L3MBTL4: variants seen among roughly 807,000 people sequenced by gnomAD.
L3MBTL4 encodes the protein lethal(3)malignant brain tumor-like protein 4.
L3MBTL4 carries 70 observed loss-of-function variants against 84.5 expected under a neutral mutation model. That is an observed-to-expected ratio of 0.83 (90% CI 0.68 to 1.01). The LOEUF (loss-of-function observed/expected upper bound fraction) is 1.01. L3MBTL4 is among the 50% of genes least tolerant of loss of function. The pLI is 0.00. For synonymous variants in L3MBTL4, 274 were observed against 259.8 expected, an observed-to-expected ratio of 1.05 and a Z score of -0.52; for missense variants, 715 against 754.8, an observed-to-expected ratio of 0.95 and a Z score of 0.62.
chr18:5,996,472 G>T (rs990856192), intron 16 of L3MBTL4, among the ~76,000 whole-genome samples: 3 of 152,108 alleles, frequency 2.0e-5, no homozygotes, highest in Non-Finnish European at 2.9e-5. Flanking sequence ...GTTAAAAGGG[G>T]GTCTGGGCTA....
At chr18:6,168,026 C>T (rs2043766078) in intron 13 of L3MBTL4, among the ~76,000 whole-genome samples, 1 of 152,088 alleles carries the variant, frequency 6.6e-6, no homozygotes, top group African/African-American at 2.4e-5. Context: ...TTCTTATACA[C>T]CAATAACAGA....
chr18:6,170,470 C>T (rs2043913462), intron 13 of L3MBTL4, among the ~76,000 whole-genome samples: 1 of 152,132 alleles, frequency 6.6e-6, no homozygotes, highest in African/African-American at 2.4e-5. Flanking sequence ...GGAGCAGAGT[C>T]TGGAATGGCA....
chr18:5,995,124 G>A (rs979629328), intron 16 of L3MBTL4, among the ~76,000 whole-genome samples: 1 of 152,272 alleles, frequency 6.6e-6, no homozygotes, highest in Non-Finnish European at 1.5e-5. Context: ...GTGCGTCCAG[G>A]AGGGCTACGT....
intron 16 of L3MBTL4, among the ~76,000 whole-genome samples, chr18:6,061,697 C>T (rs747649323): frequency 6.6e-6 from 1 of 151,674 alleles, no homozygotes; most frequent in African/African-American, 2.4e-5. Context: ...TCTAGTCTTC[C>T]TCTCTTTTTC....
At chr18:6,056,816 C>T (rs972208011) in intron 16 of L3MBTL4, among the ~76,000 whole-genome samples, 4 of 152,126 alleles carry the variant, frequency 2.6e-5, no homozygotes, top group East Asian at 1.9e-4. Context: ...AGCTGTGTGA[C>T]GTTGGGTAAA....
At chr18:6,391,348 C>G (rs951122323) in intron 1 of L3MBTL4, among the ~76,000 whole-genome samples, 8 of 152,026 alleles carry the variant, frequency 5.3e-5, no homozygotes, top group Non-Finnish European at 1.0e-4. Flanking sequence ...ACAATAAAAG[C>G]CATATATGGA....
At chr18:6,226,888 A>G (rs971583906) in intron 10 of L3MBTL4, among the ~76,000 whole-genome samples, 4 of 152,176 alleles carry the variant, frequency 2.6e-5, no homozygotes, top group African/African-American at 7.2e-5. Context: ...ATTTAAATTC[A>G]GTCATACACA....
chr18:6,175,222 A>G (rs2044173497), intron 12 of L3MBTL4, among the ~76,000 whole-genome samples: 1 of 152,200 alleles, frequency 6.6e-6, no homozygotes. Flanking sequence ...CCACGATGGG[A>G]AAGTGGGCCA....
At chr18:6,260,231 G>A (rs542563851) in intron 5 of L3MBTL4, 1 of 152,162 alleles carries the variant, frequency 6.6e-6, no homozygotes, top group South Asian at 2.1e-4. Flanking sequence ...ACGATGCTTT[G>A]TTATTTTTGC....
chr18:6,241,446 TA>T lies in L3MBTL4; in HGVS notation c.463del (p.Tyr155IlefsTer12). On this transcript the variant is annotated frameshift_variant and splice_region_variant, in exon 8 of 19. Coordinates refer to ENST00000317931, the MANE Select transcript of L3MBTL4 (RefSeq NM_001330559.2). LOFTEE classifies it high-confidence loss of function. ...TKHELHIPKGYRKDKFVWMDY... is the reference protein window; with the variant it reads ...TKHELHIPKGXRKDKFVWMDY... ...CATCCAAACAAATTTATCTTTTCTA[TA>T]ACCTAAAAAAAGCACAGATTACTCA... 1 of 1,561,304 alleles carries T rather than the reference TA, an allele frequency of 6.4e-7. No homozygotes were observed. Among genetic ancestry groups the T allele is most frequent in the Non-Finnish European group, 8.8e-7 (1 of 1,140,756 alleles).
At chr18:6,185,546 C>CTGAG (rs2044685490) in intron 12 of L3MBTL4, among the ~76,000 whole-genome samples, 1 of 152,112 alleles carries the variant, frequency 6.6e-6, no homozygotes, top group Admixed American at 6.5e-5. Flanking sequence ...GGCTCCTGTA[C>CTGAG]TGAGCTATCC....
intron 4 of L3MBTL4, among the ~76,000 whole-genome samples, chr18:6,277,758 G>T (rs1393647180): frequency 2.0e-5 from 3 of 152,032 alleles, no homozygotes; most frequent in African/African-American, 4.8e-5. Context: ...ATTATGAATG[G>T]AATATTTTTC....
At position 5,960,407 on chromosome 18, in the gene L3MBTL4, T is replaced by A. The variant is rs534557497; in HGVS notation, c.1615-251A>T. The stretch of plus-strand genomic sequence containing the variant: ...ATAATGACGACAGTAATAGCCTCCA[T>A]ATGTGAAGCTCTGGCATTCTGCAAG... On this transcript the variant is annotated intron_variant, in intron 17 of 18. Transcript: ENST00000317931. 2.0e-3 allele frequency among the ~76,000 whole-genome samples: 299 copies of A among 152,294 alleles called. 1 individual carries two copies. The highest frequency in any genetic ancestry group is 6.7e-3 in the African/African-American group (280 of 41,568).
chr18:6,034,142 G>A (rs1466018399), intron 16 of L3MBTL4, among the ~76,000 whole-genome samples: 2 of 151,266 alleles, frequency 1.3e-5, no homozygotes, highest in East Asian at 1.9e-4. Flanking sequence ...TTTCTCCCTC[G>A]CTTTTTTTTT....
chr18:6,105,491 A>G (rs2058974176), intron 14 of L3MBTL4, among the ~76,000 whole-genome samples: 3 of 151,558 alleles, frequency 2.0e-5, no homozygotes, highest in Non-Finnish European at 4.4e-5. Flanking sequence ...CACCCAGCCA[A>G]TATTTTATAA....
intron 4 of L3MBTL4, among the ~76,000 whole-genome samples, chr18:6,285,448 T>C (rs1018389209): frequency 6.6e-6 from 1 of 152,074 alleles, no homozygotes; most frequent in Non-Finnish European, 1.5e-5. Flanking sequence ...GATTTCAATA[T>C]ATAGAGATGC....
At position 6,210,994 on chromosome 18, in the gene L3MBTL4, T is replaced by C. The variant is rs145062323; in HGVS notation, c.981+2155A>G. ...CAGGTAGAGTTTCAGGAATTTTCCA[T>C]ACATGACCTCATTGAATTTTCACAA... On this transcript the variant is annotated intron_variant, in intron 12 of 18. Transcript: ENST00000317931. Among the ~76,000 whole-genome samples, 399 of 152,342 alleles carry C rather than the reference T, an allele frequency of 2.6e-3. 2 individuals carry two copies. The highest frequency in any genetic ancestry group is 9.2e-3 in the African/African-American group (382 of 41,570).
intron 16 of L3MBTL4, among the ~76,000 whole-genome samples, chr18:6,039,124 C>G (rs1598519518): frequency 6.6e-6 from 1 of 152,036 alleles, no homozygotes; most frequent in East Asian, 1.9e-4. Context: ...GTCTACAAGC[C>G]AAGAGAAGAG....
intron 12 of L3MBTL4, among the ~76,000 whole-genome samples, chr18:6,211,582 CT>C (rs890093426): frequency 7.9e-5 from 12 of 152,036 alleles, no homozygotes; most frequent in African/African-American, 2.9e-4. Flanking sequence ...AGAAAACAGT[CT>C]GTCAACTAAA....
Sources: gnomAD v4.1 joint callset for allele counts (sites outside exome capture counted in the v4.1 genomes callset) on GRCh38, gnomAD v4.1.1 for gene constraint, MANE v1.5 for transcripts, NCBI Gene and HGNC (gene_info 2026-07-23, HGNC 2026-07-21) for gene names.